Variants in ABITRAM observed in about 807,000 individuals in gnomAD.
ABITRAM encodes actin binding transcription modulator.
Under a neutral mutation model 22.9 loss-of-function variants are expected in ABITRAM, and 19 were observed. The ratio of observed to expected loss-of-function variants is 0.83; its 90% CI spans 0.58 to 1.22. The LOEUF is 1.22. Ranked by LOEUF, ABITRAM falls within the 50% of genes most tolerant of loss-of-function variation. ABITRAM has a pLI of 0.00. For missense variants in ABITRAM, 215 were observed against 220.2 expected, an observed-to-expected ratio of 0.98 and a Z score of 0.15; for synonymous variants, 70 against 73.9, an observed-to-expected ratio of 0.95 and a Z score of 0.27.
intron 2 of ABITRAM, chr9:108,935,968 A>G: frequency 1.9e-6 from 1 of 522,290 alleles, no homozygotes; most frequent in South Asian, 2.2e-5. Context: ...GTGCCCAACT[A>G]CTGAACTGTT....
At chr9:108,936,111 G>C in intron 2 of ABITRAM, 197 bp from the exon 3 acceptor site, 1 of 614,658 alleles carries the variant, frequency 1.6e-6, no homozygotes, top group Non-Finnish European at 2.7e-6. Context: ...TCCTGGGAAA[G>C]AAATTCAATC....
rs975385804 is a variant in ABITRAM, at chr9:108,934,409, A to C, written c.-78A>C. The C allele has an allele frequency of 1.6e-6, 2 of 1,237,078 alleles. No homozygotes were observed. The highest frequency in any genetic ancestry group is 2.2e-6 in the Non-Finnish European group (2 of 916,244). 76.6% of individuals were successfully genotyped at this position (1,237,078 alleles called of 1,614,324 possible). A position where few individuals can be genotyped will look rare whatever the true frequency, so the allele number is the denominator to read the frequency against. On this transcript the variant is annotated 5_prime_UTR_variant, in exon 1 of 6. Coordinates refer to ENST00000322940, the MANE Select transcript of ABITRAM (RefSeq NM_017832.4). The stretch of plus-strand genomic sequence containing the variant: ...GCGCACGACACGCGCTGTGCGCCGG[A>C]AGAGCACGCCCAGTCCGGGCTGCGC...
At chr9:108,945,216 C>T (rs993934781), downstream of ABITRAM, among the ~76,000 whole-genome samples, 1 of 152,152 alleles carries the variant, frequency 6.6e-6, no homozygotes, top group Non-Finnish European at 1.5e-5. Flanking sequence ...TCCCAGACCT[C>T]CCCAAGGATA....
chr9:108,945,763 T>C (rs1384447468), downstream of ABITRAM, among the ~76,000 whole-genome samples: 3 of 152,024 alleles, frequency 2.0e-5, no homozygotes, highest in Non-Finnish European at 4.4e-5. Context: ...GAGTGAGCCA[T>C]TGTGCCCAGA....
rs532294525 is a variant in ABITRAM, at chr9:108,950,597, T to C, written c.*4T>C. 8 of 1,549,786 alleles carry C rather than the reference T, an allele frequency of 5.2e-6. No individual in the cohort carries two copies. In the African/African-American group the frequency reaches 9.6e-5, roughly 19 times the overall value. On this transcript the variant is annotated 3_prime_UTR_variant, in exon 4 of 4. Transcript: ENST00000374624. ...ACTGCATCTTCCCCACTCTTAATCC[T>C]CCTTCTATAGGAAGGAATCTTCACG...
intron 3 of ABITRAM, among the ~76,000 whole-genome samples, chr9:108,937,334 T>C (rs543496171): frequency 6.6e-6 from 1 of 152,256 alleles, no homozygotes; most frequent in East Asian, 1.9e-4. Flanking sequence ...CTAGGCAAAA[T>C]GGACAGATTA....
chr9:108,935,736 G>T, intron 2 of ABITRAM, 47 bp downstream of exon 2: 4 of 1,314,838 alleles, frequency 3.0e-6, no homozygotes, highest in Non-Finnish European at 4.4e-6. Flanking sequence ...TTTTTTCCTG[G>T]TATTGTAGCC....
At chr9:108,944,537 A>G (rs904086670), downstream of ABITRAM, among the ~76,000 whole-genome samples, 5 of 152,178 alleles carry the variant, frequency 3.3e-5, no homozygotes, top group Admixed American at 6.5e-5. Context: ...TTCACTATTC[A>G]CCATGTACCA....
downstream of ABITRAM, chr9:108,943,820 A>T: frequency 6.2e-7 from 1 of 1,612,418 alleles, no homozygotes; most frequent in African/African-American, 1.3e-5. Flanking sequence ...CTTTCAGCTG[A>T]AATGTAATTT....
chr9:108,936,905 A>G (rs1023755242), intron 3 of ABITRAM, among the ~76,000 whole-genome samples: 2 of 152,170 alleles, frequency 1.3e-5, no homozygotes, highest in African/African-American at 4.8e-5. Context: ...GCTCACGCCT[A>G]TAATCTCAGC....
intron 3 of ABITRAM, among the ~76,000 whole-genome samples, chr9:108,947,639 T>C (rs920938106): frequency 6.6e-6 from 1 of 152,218 alleles, no homozygotes; most frequent in Admixed American, 6.5e-5. Flanking sequence ...TGGGCCTATG[T>C]GGAGTCCTGT....
intron 3 of ABITRAM, among the ~76,000 whole-genome samples, chr9:108,947,374 A>G (rs2132082791): frequency 6.6e-6 from 1 of 152,252 alleles, no homozygotes; most frequent in Non-Finnish European, 1.5e-5. Context: ...TGGCCTCCCA[A>G]AGTGCTGGGA....
At chr9:108,939,344 TA>T in intron 4 of ABITRAM, 40 bp from the exon 5 acceptor site, 3 of 1,588,618 alleles carry the variant, frequency 1.9e-6, no homozygotes, top group Non-Finnish European at 2.6e-6. Context: ...CAATTTTTTT[TA>T]ACTAAGTAAA....
Position 108,935,628 on chromosome 9 carries a change from ATTC to A in ABITRAM, c.80-5_80-3del. 1 of 1,608,462 alleles carries A rather than the reference ATTC, an allele frequency of 6.2e-7. No homozygotes were observed. Among genetic ancestry groups the A allele is most frequent in the Non-Finnish European group, 8.5e-7 (1 of 1,174,934 alleles). ...ATTTCAGCCACCAACAGACTCATGTATTCTTCTAGATGTCAAAGGAAAATTTTG... is the reference window on the plus strand; with the variant it reads ...ATTTCAGCCACCAACAGACTCATGTATTCTAGATGTCAAAGGAAAATTTTG... On this transcript the variant is annotated splice_polypyrimidine_tract_variant and splice_region_variant and intron_variant, in intron 1 of 5. Coordinates refer to ENST00000322940, the MANE Select transcript of ABITRAM (RefSeq NM_017832.4).
chr9:108,943,763 A>T (rs933076364), downstream of ABITRAM: 121 of 1,613,798 alleles, frequency 7.5e-5, no homozygotes, highest in Non-Finnish European at 1.0e-4. Context: ...GGTGGCATAG[A>T]GGAATTAGCT....
downstream of ABITRAM, chr9:108,942,876 A>G (rs776961178): frequency 6.2e-7 from 1 of 1,610,306 alleles, no homozygotes; most frequent in South Asian, 1.1e-5. Flanking sequence ...TTCACTCTGA[A>G]AAAAAAATTA....
intron 5 of ABITRAM, 47 bp from the exon 6 acceptor site, chr9:108,939,502 G>A: frequency 6.3e-7 from 1 of 1,589,986 alleles, no homozygotes; most frequent in Non-Finnish European, 8.6e-7. Flanking sequence ...CCTTTTATTG[G>A]TTTTTTTTTC....
intron 1 of ABITRAM, 125 bp downstream of exon 1, chr9:108,934,690 G>A: frequency 1.1e-6 from 1 of 909,010 alleles, no homozygotes; most frequent in Non-Finnish European, 1.7e-6. Flanking sequence ...GAAGGCACTG[G>A]ACTTCTGTGT....
chr9:108,944,101 G>A (rs962284629), downstream of ABITRAM: 77 of 1,314,830 alleles, frequency 5.9e-5, no homozygotes, highest in African/African-American at 4.9e-4. Flanking sequence ...TAATTTTTAC[G>A]TAGAATTTTA....
Sources: allele counts gnomAD v4.1 joint callset (sites outside exome capture counted in the v4.1 genomes callset), GRCh38; gene constraint gnomAD v4.1.1; transcripts MANE v1.5; gene names NCBI Gene and HGNC (gene_info 2026-07-23, HGNC 2026-07-21).